Variants in PAICS observed in about 807,000 individuals in gnomAD.
PAICS encodes bifunctional phosphoribosylaminoimidazole carboxylase/phosphoribosylaminoimidazole succinocarboxamide synthetase.
Under a neutral mutation model 53.7 loss-of-function variants are expected in PAICS, and 33 were observed. That is an observed-to-expected ratio of 0.61 (90% confidence interval 0.47 to 0.82). The LOEUF (loss-of-function observed/expected upper bound fraction) is 0.82. Ranked by LOEUF, PAICS falls within the 40% of genes least tolerant of loss-of-function variation. The pLI is 0.00. For missense variants in PAICS, 394 were observed against 494.1 expected (o/e 0.80, Z 1.92); for synonymous variants, 141 against 167.2 (o/e 0.84, Z 1.21).
intron 2 of PAICS, chr4:56,446,388 G>T: frequency 4.2e-6 from 3 of 717,870 alleles, no homozygotes; most frequent in Non-Finnish European, 7.8e-6. Context: ...GTAAGTATTT[G>T]TTCTTTTGCA....
intron 6 of PAICS, among the ~76,000 whole-genome samples, chr4:56,451,550 AC>A (rs1718917866): frequency 6.6e-6 from 1 of 152,186 alleles, no homozygotes; most frequent in African/African-American, 2.4e-5. Flanking sequence ...CTTCCATTAA[AC>A]AAAGTGCACT....
At position 56,446,982 on chromosome 4, in the gene PAICS, A is replaced by T. The variant is rs1718654615; in HGVS notation, c.393+109A>T. On this transcript the variant is annotated intron_variant, in intron 3 of 8. Coordinates refer to ENST00000512576, the MANE Select transcript of PAICS (RefSeq NM_001079524.2). ...CAAGCAAAGTTTTTGATATTTTGAT[A>T]TTGCAAATGTCATTCCAAAATTTGT... 1.4e-5 allele frequency: 9 copies of T among 624,280 alleles called. No individual in the cohort carries two copies. In the South Asian group the frequency reaches 4.2e-4, roughly 29 times the overall value. The allele number at this position is 624,280 out of a possible 1,614,324, so 38.7% of individuals were successfully genotyped here.
rs1293877701 is a variant in PAICS at position 56,462,360 on chromosome 4, A to C, written c.*2822A>C. ...GCAAAGGCTACATCACTTAGGGCCT[A>C]TAGGCCACACTGAAGTGTGACAGGA... On this transcript the variant is annotated 3_prime_UTR_variant, in exon 9 of 9. Coordinates refer to ENST00000512576, the MANE Select transcript of PAICS (RefSeq NM_001079524.2). 1 of 152,244 alleles carries C rather than the reference A, an allele frequency of 6.6e-6. No individual in the cohort carries two copies. Among genetic ancestry groups the C allele is most frequent in the South Asian group, 2.1e-4 (1 of 4,834 alleles). 9.4% of individuals were successfully genotyped at this position (152,244 alleles called of 1,614,324 possible). A position where few individuals can be genotyped will look rare whatever the true frequency, so the allele number is the denominator to read the frequency against.
At chr4:56,429,868 T>A in the PAICS span, among the ~76,000 whole-genome samples, 1 of 152,244 alleles carries the variant, frequency 6.6e-6, no homozygotes, top group Admixed American at 6.5e-5. Flanking sequence ...CTATATGTAC[T>A]TTTCTTTCAT....
At chr4:56,436,198 A>G (rs1427008994), upstream of PAICS, 6 of 1,524,774 alleles carry the variant, frequency 3.9e-6, no homozygotes, top group Middle Eastern at 6.8e-4. Context: ...AGAGTGGCGC[A>G]GGGTCGCGCG....
intron 6 of PAICS, chr4:56,450,953 G>A: frequency 3.2e-6 from 1 of 309,384 alleles, no homozygotes; most frequent in East Asian, 6.5e-5. Flanking sequence ...GAGTAGCTGG[G>A]ACTACAGGCG....
chr4:56,440,553 G>A (rs1560657510), intron 1 of PAICS, among the ~76,000 whole-genome samples: 1 of 151,954 alleles, frequency 6.6e-6, no homozygotes, highest in African/African-American at 2.4e-5. Context: ...CCAGACTGAA[G>A]TTCTGCAATC....
At chr4:56,454,546 T>C (rs1719092162) in intron 8 of PAICS, among the ~76,000 whole-genome samples, 2 of 152,326 alleles carry the variant, frequency 1.3e-5, no homozygotes, top group East Asian at 1.9e-4. Flanking sequence ...CTCATCTGTT[T>C]GTTCAGATCC....
At chr4:56,432,507 CAG>C (rs1249625872), upstream of PAICS, among the ~76,000 whole-genome samples, 1 of 131,798 alleles carries the variant, frequency 7.6e-6, no homozygotes, top group African/African-American at 3.0e-5. Context: ...GCCTAGGTGA[CAG>C]AGTGAGACCC....
intron 1 of PAICS, among the ~76,000 whole-genome samples, chr4:56,436,865 C>T (rs997560091): frequency 7.7e-6 from 1 of 129,450 alleles, no homozygotes. Flanking sequence ...GACGTGGTGG[C>T]GCGCGCCTGT....
intron 2 of PAICS, among the ~76,000 whole-genome samples, chr4:56,443,183 AT>A (rs976730583): frequency 6.6e-6 from 1 of 151,888 alleles, no homozygotes; most frequent in Non-Finnish European, 1.5e-5. Context: ...TATTTATTTT[AT>A]TTTTTTATTT....
Position 56,463,519 on chromosome 4 carries a change from C to T in PAICS, c.*3981C>T, listed in dbSNP as rs1719584551. 1 of 151,456 alleles carries T rather than the reference C, an allele frequency of 6.6e-6. No homozygotes were observed. Among genetic ancestry groups the T allele is most frequent in the African/African-American group, 2.4e-5 (1 of 41,056 alleles). The allele number at this position is 151,456 out of a possible 1,614,324, so 9.4% of individuals were successfully genotyped here. ...GACCAGCCTGACTGACATGGAGAAA[C>T]CCCCTCTTTACTAAAAATACAAAAT... On this transcript the variant is annotated 3_prime_UTR_variant, in exon 9 of 9. Coordinates refer to ENST00000512576, the MANE Select transcript of PAICS (RefSeq NM_001079524.2).
At chr4:56,432,986 A>ACG (rs10674802), upstream of PAICS, among the ~76,000 whole-genome samples, 4,125 of 148,888 alleles carry the variant, frequency 0.028, 210 homozygotes, top group African/African-American at 0.097. Context: ...ATATACATAC[A>ACG]CACACGTATT....
At chr4:56,435,863 C>A (rs766083595), upstream of PAICS, 6 of 1,486,632 alleles carry the variant, frequency 4.0e-6, no homozygotes, top group East Asian at 1.8e-4. Context: ...AACCTCATTT[C>A]TCTTTCAGAG....
At chr4:56,433,788 G>A (rs1717740004), upstream of PAICS, among the ~76,000 whole-genome samples, 1 of 151,354 alleles carries the variant, frequency 6.6e-6, no homozygotes, top group South Asian at 2.1e-4. Context: ...TAAGCCTCCC[G>A]GGTTCAAGCG....
upstream of PAICS, among the ~76,000 whole-genome samples, chr4:56,432,742 G>A (rs1464925500): frequency 6.1e-5 from 9 of 146,662 alleles, no homozygotes; most frequent in East Asian, 2.0e-4. Context: ...GGGAGACTGC[G>A]CCACTGAACT....
chr4:56,458,311 A>G lies in PAICS; in HGVS notation c.1112-1061A>G, dbSNP rs62309293. 1.9e-3 allele frequency among the ~76,000 whole-genome samples: 277 copies of G among 147,756 alleles called. 1 individual carries two copies. Among genetic ancestry groups the G allele is most frequent in the South Asian group, 6.6e-3 (31 of 4,686 alleles). The stretch of plus-strand genomic sequence containing the variant: ...TTTTTTTTTTTCTGCAATTTAAGCT[A>G]TTCTTTTACCAGAAAGGGAGTCCTG... On this transcript the variant is annotated intron_variant, in intron 8 of 8. Transcript: ENST00000512576.
At chr4:56,411,466 G>A in the PAICS span, among the ~76,000 whole-genome samples, 3 of 152,170 alleles carry the variant, frequency 2.0e-5, no homozygotes, top group Non-Finnish European at 4.4e-5. Flanking sequence ...TGAAGATTTA[G>A]TACATGAAAT....
At chr4:56,423,961 A>T in the PAICS span, among the ~76,000 whole-genome samples, 2 of 152,176 alleles carry the variant, frequency 1.3e-5, no homozygotes, top group African/African-American at 4.8e-5. Context: ...AAAAATATGA[A>T]TTATTTATCT....
Sources: allele counts gnomAD v4.1 joint callset (sites outside exome capture counted in the v4.1 genomes callset), GRCh38; gene constraint gnomAD v4.1.1; transcripts MANE v1.5; gene names NCBI Gene and HGNC (gene_info 2026-07-23, HGNC 2026-07-21).